TF: variants seen among roughly 807,000 people sequenced by gnomAD.
TF encodes serotransferrin.
TF carries 55 observed loss-of-function variants against 82.4 expected under a neutral mutation model. The observed-to-expected ratio is 0.67, with a 90% CI of 0.54 to 0.84. The LOEUF (loss-of-function observed/expected upper bound fraction) is 0.84, where lower values mean the gene tolerates loss of function less well. Ranked by LOEUF, TF falls within the 40% of genes least tolerant of loss-of-function variation. The pLI is 0.00. For synonymous variants in TF, 332 were observed against 332.6 expected, an observed-to-expected ratio of 1.00 and a Z score of 0.02; for missense variants, 737 against 868.4, an observed-to-expected ratio of 0.85 and a Z score of 1.90.
At chr3:133,662,795 A>G in the TF span, among the ~76,000 whole-genome samples, 1 of 152,178 alleles carries the variant, frequency 6.6e-6, no homozygotes, top group African/African-American at 2.4e-5. Context: ...AATGAGGATC[A>G]TTTTATTATT....
chr3:133,677,710 A>G, the TF span, among the ~76,000 whole-genome samples: 1 of 151,684 alleles, frequency 6.6e-6, no homozygotes, highest in African/African-American at 2.4e-5. Context: ...TAGAGACAGG[A>G]TCTGTCTCTG....
the TF span, among the ~76,000 whole-genome samples, chr3:133,672,843 A>G: frequency 0.22 from 33,960 of 151,598 alleles, 4,101 homozygotes; most frequent in Middle Eastern, 0.3. Flanking sequence ...AGAATAAGAG[A>G]AGTTTACCAC....
At chr3:133,735,969 C>T in the TF span, among the ~76,000 whole-genome samples, 1 of 152,142 alleles carries the variant, frequency 6.6e-6, no homozygotes, top group African/African-American at 2.4e-5. Context: ...CACAAAGATA[C>T]TCCTCAAAAA....
chr3:133,706,713 G>C, the TF span, among the ~76,000 whole-genome samples: 1 of 152,188 alleles, frequency 6.6e-6, no homozygotes, highest in Non-Finnish European at 1.5e-5. Flanking sequence ...GAAGTTGAGG[G>C]ATTTAGAGCA....
At chr3:133,669,298 A>G in the TF span, among the ~76,000 whole-genome samples, 1 of 152,100 alleles carries the variant, frequency 6.6e-6, no homozygotes, top group Non-Finnish European at 1.5e-5. Flanking sequence ...CACCGTGCCC[A>G]GCCACATCTC....
At chr3:133,692,717 G>C in the TF span, 1 of 152,178 alleles carries the variant, frequency 6.6e-6, no homozygotes, top group East Asian at 1.9e-4. Flanking sequence ...TGCTCCAGAA[G>C]ATCAGTGACA....
At chr3:133,710,895 C>G in the TF span, among the ~76,000 whole-genome samples, 4 of 152,176 alleles carry the variant, frequency 2.6e-5, no homozygotes, top group Non-Finnish European at 2.9e-5. Flanking sequence ...TCCACTCACT[C>G]TTCAACTCCC....
At chr3:133,742,500 G>A (rs1463677139), upstream of TF, among the ~76,000 whole-genome samples, 1 of 152,136 alleles carries the variant, frequency 6.6e-6, no homozygotes, top group Admixed American at 6.6e-5. Flanking sequence ...GAGCAGTGGT[G>A]TCATGTGGCA....
chr3:133,739,435 C>G, the TF span, among the ~76,000 whole-genome samples: 1 of 152,130 alleles, frequency 6.6e-6, no homozygotes, highest in Non-Finnish European at 1.5e-5. Context: ...ACACCAAAAG[C>G]AATGGCGACA....
rs1306324016 is a variant in TF, at chr3:133,759,158, C to CT, written c.1049-10dup. On this transcript the variant is annotated splice_polypyrimidine_tract_variant and intron_variant, in intron 8 of 16. Transcript: ENST00000402696. ...GCTAGGGCCGCTTCTGATCTTTGTTCTTTTTTTATGCCATAGGCCCAGAAG... is the reference window on the plus strand; with the variant it reads ...GCTAGGGCCGCTTCTGATCTTTGTTCTTTTTTTTATGCCATAGGCCCAGAAG... 2 of 1,597,760 alleles carry CT rather than the reference C, an allele frequency of 1.3e-6. No individual in the cohort carries two copies. Among genetic ancestry groups the CT allele is most frequent in the African/African-American group, 2.7e-5 (2 of 74,408 alleles).
rs770181295 is a variant in TF, at chr3:133,766,280, T to C, written c.1333T>C (p.Tyr445His). ...CTTTTCTGGTGTCTTTCTTGTAGGGTATTTTGCTATAGCAGTGGTGAAGAA... is the reference window on the plus strand; with the variant it reads ...CTTTTCTGGTGTCTTTCTTGTAGGGCATTTTGCTATAGCAGTGGTGAAGAA... ...DNCEDTPEAGYFAIAVVKKSA... is the reference protein window; with the variant it reads ...DNCEDTPEAGHFAIAVVKKSA... The change falls in exon 12 of 17, where the codon TAT becomes CAT. Residue 445 changes from tyrosine to histidine, a missense_variant and splice_region_variant. Physicochemically the swap from Tyr to His is moderately conservative, Grantham distance 83 (BLOSUM62 2). Coordinates refer to ENST00000402696, the MANE Select transcript of TF (RefSeq NM_001063.4). 1.2e-6 allele frequency: 2 copies of C among 1,614,014 alleles called. No homozygotes were observed. The highest frequency in any genetic ancestry group is 8.5e-7 in the Non-Finnish European group (1 of 1,179,946).
the TF span, among the ~76,000 whole-genome samples, chr3:133,682,557 C>T: frequency 6.7e-4 from 102 of 152,022 alleles, no homozygotes; most frequent in Middle Eastern, 3.4e-3. Context: ...AACTACGTGA[C>T]GCATGCACAA....
At chr3:133,720,762 T>C in the TF span, among the ~76,000 whole-genome samples, 1 of 152,114 alleles carries the variant, frequency 6.6e-6, no homozygotes, top group African/African-American at 2.4e-5. Flanking sequence ...TATTACTGAT[T>C]CAATTTTCTC....
chr3:133,750,879 C>A (rs940116597), intron 2 of TF, among the ~76,000 whole-genome samples: 33 of 152,150 alleles, frequency 2.2e-4, no homozygotes, highest in Admixed American at 3.9e-4. Context: ...TGTGCTGCAC[C>A]CTGTTTGCTT....
At chr3:133,714,979 A>C in the TF span, among the ~76,000 whole-genome samples, 1 of 152,104 alleles carries the variant, frequency 6.6e-6, no homozygotes, top group Non-Finnish European at 1.5e-5. Flanking sequence ...CACCACACCC[A>C]GCCCTTTAAG....
Position 133,786,098 on chromosome 3 carries a change from C to T in TF, c.*7478C>T, listed in dbSNP as rs1183396691. ...TGCGGAAGGCCGCAGGGTCCTCTGC[C>T]TAGGAAAACCAGAGACCTTTGTTCA... On this transcript the variant is annotated 3_prime_UTR_variant, in exon 17 of 17. Coordinates refer to ENST00000402696, the MANE Select transcript of TF (RefSeq NM_001063.4). 2 of 78,164 alleles carry T rather than the reference C, an allele frequency of 2.6e-5. No individual in the cohort carries two copies. Among genetic ancestry groups the T allele is most frequent in the Non-Finnish European group, 5.5e-5 (2 of 36,066 alleles). The allele number at this position is 78,164 out of a possible 1,614,324, so 4.8% of individuals were successfully genotyped here.
chr3:133,766,663 A>G (rs1270450202), intron 12 of TF, among the ~76,000 whole-genome samples: 1 of 152,224 alleles, frequency 6.6e-6, no homozygotes, highest in African/African-American at 2.4e-5. Context: ...ACATATTAGC[A>G]TGAGTGAATA....
At chr3:133,664,364 C>A in the TF span, among the ~76,000 whole-genome samples, 1 of 152,116 alleles carries the variant, frequency 6.6e-6, no homozygotes. Flanking sequence ...CACTGTTGTC[C>A]AGGTTGGAGT....
At chr3:133,733,668 A>G in the TF span, among the ~76,000 whole-genome samples, 1 of 152,216 alleles carries the variant, frequency 6.6e-6, no homozygotes, top group African/African-American at 2.4e-5. Context: ...AGAAGGACTG[A>G]GTTAAGGAGA....
Sources: allele counts gnomAD v4.1 joint callset (sites outside exome capture counted in the v4.1 genomes callset), GRCh38; gene constraint gnomAD v4.1.1; transcripts MANE v1.5; gene names NCBI Gene and HGNC (gene_info 2026-07-23, HGNC 2026-07-21).